Variants in ABLIM2 observed in about 807,000 individuals in gnomAD.
ABLIM2 encodes the protein actin-binding LIM protein 2.
In ABLIM2, 53 loss-of-function variants were observed where a neutral mutation model predicts 97.7. The observed-to-expected ratio is 0.54, with a 90% CI of 0.44 to 0.68. The LOEUF is 0.68. Ranked by LOEUF, ABLIM2 falls within the 30% of genes least tolerant of loss-of-function variation. ABLIM2 has a pLI of 0.00. For missense variants in ABLIM2, 835 were observed against 867.2 expected (o/e 0.96, Z 0.47); for synonymous variants, 361 against 345.8 (o/e 1.04, Z -0.49).
intron 2 of ABLIM2, among the ~76,000 whole-genome samples, 152 bp from the exon 3 acceptor site, chr4:8,097,434 G>A (rs374378688): frequency 1.3e-5 from 2 of 152,172 alleles, no homozygotes; most frequent in East Asian, 1.9e-4. Context: ...CTCAACTCTC[G>A]GCGGGCCGGG....
At chr4:8,089,387 C>T (rs887039444) in intron 3 of ABLIM2, among the ~76,000 whole-genome samples, 1 of 152,164 alleles carries the variant, frequency 6.6e-6, no homozygotes, top group Non-Finnish European at 1.5e-5. Flanking sequence ...GCCAGAGAAC[C>T]AGGTGCTTTT....
chr4:8,091,838 T>TATTATATATAA (rs1468751822), intron 3 of ABLIM2, among the ~76,000 whole-genome samples: 2 of 99,704 alleles, frequency 2.0e-5, no homozygotes, highest in Non-Finnish European at 3.6e-5. Context: ...ATAAATAATA[T>TATTATATATAA]AATATATTAT....
chr4:8,125,229 G>A lies in ABLIM2; in HGVS notation c.11-18592C>T, dbSNP rs143869455. On this transcript the variant is annotated intron_variant, in intron 1 of 20. Transcript: ENST00000447017. The surrounding 1 kb of genome is among the most constrained non-coding windows in gnomAD (Gnocchi z 6.2). ...CAGAGGTTTTTGATGAAATCCAGTC[G>A]TCTATATCTTGTTATGACGGCTTGG... Among the ~76,000 whole-genome samples, 18 of 152,302 alleles carry A rather than the reference G, an allele frequency of 1.2e-4. No individual in the cohort carries two copies. The highest frequency in any genetic ancestry group is 9.6e-4 in the East Asian group (5 of 5,184).
At chr4:8,097,327 T>C in intron 2 of ABLIM2, 45 bp from the exon 3 acceptor site, 1 of 1,544,868 alleles carries the variant, frequency 6.5e-7, no homozygotes, top group Non-Finnish European at 8.7e-7. Context: ...GAGGGGACCA[T>C]CTCCACGTCC....
At chr4:8,042,105 G>A (rs961473574) in intron 9 of ABLIM2, among the ~76,000 whole-genome samples, 19 of 152,154 alleles carry the variant, frequency 1.2e-4, no homozygotes, top group African/African-American at 4.6e-4. Flanking sequence ...ACAGCATGCT[G>A]AGGACTTTGA....
At chr4:8,014,783 C>G (rs1303673621) in intron 14 of ABLIM2, among the ~76,000 whole-genome samples, 1 of 152,198 alleles carries the variant, frequency 6.6e-6, no homozygotes, top group Non-Finnish European at 1.5e-5. Context: ...ACCTCTGCTC[C>G]CTGGTTGTCA....
Position 8,087,871 on chromosome 4 carries a change from C to T in ABLIM2, c.454+298G>A, listed in dbSNP as rs2292739. Among the ~76,000 whole-genome samples the T allele has an allele frequency of 0.26, 39,641 of 151,858 alleles. 5,771 individuals are homozygous for T. The highest frequency in any genetic ancestry group is 0.34 in the Middle Eastern group (100 of 292). ...GAGCCCCAGAAACTTCCATCCCTGGCTGCCTCCTCACATTTATTCACAGCG... is the reference window on the plus strand; with the variant it reads ...GAGCCCCAGAAACTTCCATCCCTGGTTGCCTCCTCACATTTATTCACAGCG... On this transcript the variant is annotated intron_variant, in intron 4 of 20. Transcript: ENST00000447017. The surrounding 1 kb of genome is among the most constrained non-coding windows in gnomAD (Gnocchi z 4.6).
chr4:7,992,755 C>T lies in ABLIM2; in HGVS notation c.1680+111G>A, dbSNP rs969597105. ...GCATCAGGCAGAGGCAGGTGGGCCGCGGGGTCCCCGGGGCCTCTCCTCCTG... is the reference window on the plus strand; with the variant it reads ...GCATCAGGCAGAGGCAGGTGGGCCGTGGGGTCCCCGGGGCCTCTCCTCCTG... On this transcript the variant is annotated intron_variant, in intron 17 of 20. Coordinates refer to ENST00000447017, the MANE Select transcript of ABLIM2 (RefSeq NM_001130083.2). This position sits in a 1 kb window ranked among gnomAD's most constrained non-coding sequence, Gnocchi z 5.7. The T allele has an allele frequency of 4.9e-6, 6 of 1,235,186 alleles. No individual in the cohort carries two copies. The highest frequency in any genetic ancestry group is 5.1e-5 in the East Asian group (2 of 39,198). The allele number at this position is 1,235,186 out of a possible 1,614,324, so 76.5% of individuals were successfully genotyped here.
intron 1 of ABLIM2, among the ~76,000 whole-genome samples, chr4:8,131,770 AGCCCGCATCCCCTGC>A: frequency 1.1e-5 from 1 of 94,248 alleles, no homozygotes. Flanking sequence ...TGAGCACAGC[AGCCCGCATCCCCTGC>A]ACAGCAGCCC....
chr4:8,021,750 T>C lies in ABLIM2; in HGVS notation c.1268-1447A>G, dbSNP rs1773892965. On this transcript the variant is annotated intron_variant, in intron 12 of 20. Coordinates refer to ENST00000447017, the MANE Select transcript of ABLIM2 (RefSeq NM_001130083.2). This position sits in a 1 kb window ranked among gnomAD's most constrained non-coding sequence, Gnocchi z 5.5. ...AGGAGCAGGGTGGCCCCAGCCAGGCTGATGCCGTAGAAAGGACTGCAGGCT... is the reference window on the plus strand; with the variant it reads ...AGGAGCAGGGTGGCCCCAGCCAGGCCGATGCCGTAGAAAGGACTGCAGGCT... 6.6e-6 allele frequency among the ~76,000 whole-genome samples: 1 copy of C among 152,254 alleles called. No homozygotes were observed. The highest frequency in any genetic ancestry group is 1.9e-4 in the East Asian group (1 of 5,194).
At chr4:8,031,418 GC>G in intron 10 of ABLIM2, among the ~76,000 whole-genome samples, 1 of 152,330 alleles carries the variant, frequency 6.6e-6, no homozygotes, top group South Asian at 2.1e-4. Flanking sequence ...ATGAAAAGAT[GC>G]CCGGCCCCAG....
intron 1 of ABLIM2, among the ~76,000 whole-genome samples, chr4:8,152,304 A>T (rs1357094713): frequency 6.6e-6 from 1 of 152,234 alleles, no homozygotes; most frequent in African/African-American, 2.4e-5. Context: ...ACTGGGGTTC[A>T]AATCCCAGCG....
At chr4:8,152,590 C>T (rs530607182) in intron 1 of ABLIM2, among the ~76,000 whole-genome samples, 64 of 152,310 alleles carry the variant, frequency 4.2e-4, no homozygotes, top group Non-Finnish European at 7.6e-4. Context: ...TAAGACTGCT[C>T]GACTCGGGTT....
At position 8,015,732 on chromosome 4, in the gene ABLIM2, T is replaced by C. The variant is rs988144651; in HGVS notation, c.1423+3886A>G. Among the ~76,000 whole-genome samples the C allele has an allele frequency of 1.3e-5, 2 of 152,076 alleles. No homozygotes were observed. Among genetic ancestry groups the C allele is most frequent in the African/African-American group, 4.8e-5 (2 of 41,388 alleles). On this transcript the variant is annotated intron_variant, in intron 14 of 20. Coordinates refer to ENST00000447017, the MANE Select transcript of ABLIM2 (RefSeq NM_001130083.2). The surrounding 1 kb of genome is among the most constrained non-coding windows in gnomAD (Gnocchi z 4.6). ...GGGTGAGGAGAGAGCTGCATTGCCA[T>C]CTGGTGGCTCATGTTTGCTTAGAAA...
rs532970357 is a variant in ABLIM2, at chr4:8,036,571, C to T, written c.901-276G>A. Among the ~76,000 whole-genome samples the T allele has an allele frequency of 9.2e-5, 14 of 152,234 alleles. No individual in the cohort carries two copies. In the South Asian group the frequency reaches 1.0e-3, roughly 11 times the overall value. The stretch of plus-strand genomic sequence containing the variant: ...GCTCCTGGTATAGGTGAAATGGGGA[C>T]GGGGTCAAAAGCACAGGGAACTCCA... On this transcript the variant is annotated intron_variant, in intron 9 of 20. Coordinates refer to ENST00000447017, the MANE Select transcript of ABLIM2 (RefSeq NM_001130083.2).
At chr4:8,065,628 A>G (rs113374675) in intron 6 of ABLIM2, among the ~76,000 whole-genome samples, 3 of 152,194 alleles carry the variant, frequency 2.0e-5, no homozygotes, top group African/African-American at 7.2e-5. Context: ...AAAGAACAAG[A>G]GAAATGAAAA....
chr4:8,065,695 G>T (rs1176770162), intron 6 of ABLIM2, among the ~76,000 whole-genome samples: 2 of 152,054 alleles, frequency 1.3e-5, no homozygotes, highest in Non-Finnish European at 2.9e-5. Flanking sequence ...AGGCTAAGAT[G>T]GGCAGATCAC....
intron 9 of ABLIM2, among the ~76,000 whole-genome samples, chr4:8,040,338 C>T (rs1199214879): frequency 3.3e-5 from 5 of 152,250 alleles, no homozygotes; most frequent in East Asian, 1.9e-4. Context: ...TGGCCAGGCG[C>T]AGTGGCTCAC....
At chr4:8,105,406 T>C (rs765668069) in intron 2 of ABLIM2, among the ~76,000 whole-genome samples, 11 of 152,218 alleles carry the variant, frequency 7.2e-5, no homozygotes, top group Non-Finnish European at 1.5e-4. Context: ...TCCTGGTCTT[T>C]AGAACATTCA....
Sources: gnomAD v4.1 joint callset for allele counts (sites outside exome capture counted in the v4.1 genomes callset) on GRCh38, gnomAD v4.1.1 for gene constraint, Gnocchi (gnomAD v3.1) non-coding constraint, MANE v1.5 for transcripts, NCBI Gene and HGNC (gene_info 2026-07-23, HGNC 2026-07-21) for gene names.